POLR1A: variants seen among roughly 807,000 people sequenced by gnomAD.
POLR1A encodes the protein DNA-directed RNA polymerase I subunit RPA1.
A neutral mutation model predicts 205.3 loss-of-function variants in POLR1A; 84 were observed. That is an observed-to-expected ratio of 0.41 (90% CI 0.34 to 0.49). POLR1A has a LOEUF of 0.49. POLR1A is among the 20% of genes least tolerant of loss of function. The pLI, the probability that POLR1A is intolerant of heterozygous loss-of-function variation, is 0.22. For missense variants in POLR1A, 1,645 were observed against 2,204.5 expected (o/e 0.75, Z 5.08); for synonymous variants, 799 against 863.7 (o/e 0.93, Z 1.31).
At position 86,032,282 on chromosome 2, in the gene POLR1A, T is replaced by C. The variant is rs575179554; in HGVS notation, c.4262A>G (p.Gln1421Arg). 5.6e-6 allele frequency: 9 copies of C among 1,609,760 alleles called. No individual in the cohort carries two copies. The African/African-American group carries it at 1.1e-4, about 19-fold the overall frequency. The change falls in exon 29 of 34, where the codon CAG (glutamine) becomes CGG (arginine). Residue 1421 changes from glutamine to arginine, a missense_variant. Physicochemically the swap from Gln to Arg is conservative, Grantham distance 43 (BLOSUM62 1). Coordinates refer to ENST00000263857, the MANE Select transcript of POLR1A (RefSeq NM_015425.6). ...CACAGGGTCTCTCACCTCCTCCTCC[T>C]GCTTCTCCTTGCGTTTGGCATCAGA... ...DASDAKRKEK[Q>R]EEEVDYESEE...
intron 3 of POLR1A, among the ~76,000 whole-genome samples, chr2:86,096,348 A>G (rs1261301928): frequency 6.6e-6 from 1 of 152,126 alleles, no homozygotes; most frequent in African/African-American, 2.4e-5. Flanking sequence ...TTACTACACT[A>G]CCCAAAGCAA....
chr2:86,034,245 G>A (rs1352343245), intron 27 of POLR1A, among the ~76,000 whole-genome samples: 2 of 152,196 alleles, frequency 1.3e-5, no homozygotes, highest in African/African-American at 2.4e-5. Context: ...TACTGTAGGA[G>A]AGGGGAACCC....
intron 12 of POLR1A, among the ~76,000 whole-genome samples, chr2:86,072,530 GCACAGGGTATTCCCCTTGCCAA>G (rs1287087852): frequency 2.0e-5 from 3 of 152,254 alleles, no homozygotes; most frequent in Non-Finnish European, 4.4e-5. Context: ...AAGCCCTGGA[GCACAGGGTATTCCCCTTGCCAA>G]CCCAAACCCA....
chr2:86,036,311 C>T (rs1309237164), intron 27 of POLR1A, among the ~76,000 whole-genome samples: 2 of 152,180 alleles, frequency 1.3e-5, no homozygotes, highest in Non-Finnish European at 2.9e-5. Context: ...TCCCCTGCCA[C>T]CTGCCAGACA....
At chr2:86,077,153 C>T (rs190609960) in intron 11 of POLR1A, among the ~76,000 whole-genome samples, 24 of 152,252 alleles carry the variant, frequency 1.6e-4, no homozygotes. Context: ...AGGCTCTCCA[C>T]GGAGGGAAAT....
In POLR1A at chr2:86,031,424, G is replaced by C. The variant is rs781462327; in HGVS notation, c.4484C>G (p.Pro1495Arg). Reference protein sequence around the residue: ...KPTHSQEPQGPEAMERRVQAV... With the variant: ...KPTHSQEPQGREAMERRVQAV... ...CTGGACCCGGCGCTCCATGGCCTCG[G>C]GCCCCTGGGGCTCCTGGCTGTGGGT... Residue 1495 changes from proline (P) to arginine (R), a missense_variant, in exon 30 of 34, where the codon CCC becomes CGC. Physicochemically the swap from Pro to Arg is moderately radical, Grantham distance 103 (BLOSUM62 -2). Coordinates refer to ENST00000263857, the MANE Select transcript of POLR1A (RefSeq NM_015425.6). The C allele has an allele frequency of 1.2e-5, 19 of 1,613,804 alleles. No individual in the cohort carries two copies. The highest frequency in any genetic ancestry group is 1.7e-5 in the Admixed American group (1 of 60,010).
chr2:86,039,662 T>C (rs1176883915), intron 25 of POLR1A, among the ~76,000 whole-genome samples, 200 bp from the exon 26 acceptor site: 1 of 152,230 alleles, frequency 6.6e-6, no homozygotes, highest in Non-Finnish European at 1.5e-5. Context: ...GTTTCCTCCC[T>C]GGAGGGCCCA....
At chr2:86,091,831 A>C (rs921042136) in intron 3 of POLR1A, among the ~76,000 whole-genome samples, 27 of 152,230 alleles carry the variant, frequency 1.8e-4, no homozygotes, top group Non-Finnish European at 3.5e-4. Flanking sequence ...AAGTAGAAAT[A>C]GGCCGGGCAC....
rs769169893 is a variant in POLR1A, at chr2:86,098,653, C to T, written c.390G>A (p.Gly130=). Residue 130 remains glycine, a synonymous_variant, in exon 3 of 34, where the codon GGG becomes GGA. Transcript: ENST00000263857. Reference sequence around the variant, plus strand: ...CAAGCTCGTAGACTGCTTGTAGGGCCCCGACTTCCAGAACCCTCAGCTGGC... The same window carrying T: ...CAAGCTCGTAGACTGCTTGTAGGGCTCCGACTTCCAGAACCCTCAGCTGGC... ...LLCQLRVLEV[G]ALQAVYELER... 1.2e-5 allele frequency: 20 copies of T among 1,613,570 alleles called. No homozygotes were observed. The highest frequency in any genetic ancestry group is 6.7e-5 in the African/African-American group (5 of 74,854).
intron 14 of POLR1A, among the ~76,000 whole-genome samples, chr2:86,060,101 C>G (rs1672969409): frequency 6.6e-6 from 1 of 152,162 alleles, no homozygotes; most frequent in South Asian, 2.1e-4. Flanking sequence ...ATTTAATAGA[C>G]AGTATCATCT....
In POLR1A at chr2:86,033,962, C is replaced by T. The variant is rs575123236; in HGVS notation, c.4035-175G>A. On this transcript the variant is annotated intron_variant, in intron 27 of 33. Transcript: ENST00000263857. ...CCCGCTGTTTTGGAACCGTCTCTGG[C>T]GTATCAGGAACACCGGTTCCACAGT... Among the ~76,000 whole-genome samples the T allele has an allele frequency of 1.1e-4, 16 of 152,248 alleles. No homozygotes were observed. In the South Asian group the frequency reaches 2.7e-3, roughly 26 times the overall value.
chr2:86,059,548 G>T (rs77144585), intron 14 of POLR1A, among the ~76,000 whole-genome samples: 2 of 152,138 alleles, frequency 1.3e-5, no homozygotes, highest in South Asian at 4.1e-4. Context: ...CCCAGGGAAG[G>T]TATGATATGA....
At chr2:86,103,127 G>A (rs1363737281) in intron 1 of POLR1A, among the ~76,000 whole-genome samples, 1 of 152,208 alleles carries the variant, frequency 6.6e-6, no homozygotes, top group East Asian at 1.9e-4. Context: ...CTGTTAGACG[G>A]CAGAAAGGGC....
At position 86,024,545 on chromosome 2, in the gene POLR1A, A is replaced by G. The variant is rs892849812; in HGVS notation, c.*2878T>C. 6.6e-6 allele frequency: 1 copy of G among 152,196 alleles called. No individual in the cohort carries two copies. Among genetic ancestry groups the G allele is most frequent in the East Asian group, 1.9e-4 (1 of 5,192 alleles). The allele number at this position is 152,196 out of a possible 1,614,324, so 9.4% of individuals were successfully genotyped here. A position where few individuals can be genotyped will look rare whatever the true frequency, so the allele number is the denominator to read the frequency against. ...GAAAATGTTTCAAAGACTCACAGGAATATCTGTGGGAATGCTGATAGTGTT... is the reference window on the plus strand; with the variant it reads ...GAAAATGTTTCAAAGACTCACAGGAGTATCTGTGGGAATGCTGATAGTGTT... On this transcript the variant is annotated 3_prime_UTR_variant, in exon 34 of 34. Transcript: ENST00000263857.
At chr2:86,038,901 A>G (rs746296801) in intron 26 of POLR1A, 44 bp from the exon 27 acceptor site, 62 of 1,593,126 alleles carry the variant, frequency 3.9e-5, no homozygotes, top group Non-Finnish European at 3.8e-5. Flanking sequence ...TTCAGGTCCT[A>G]GGTGACTGCG....
chr2:86,065,438 G>C lies in POLR1A; in HGVS notation c.1894C>G (p.Gln632Glu). 6.2e-7 allele frequency: 1 copy of C among 1,613,790 alleles called. No individual in the cohort carries two copies. The highest frequency in any genetic ancestry group is 8.5e-7 in the Non-Finnish European group (1 of 1,179,872). The change falls in exon 14 of 34, where the codon CAG (glutamine) becomes GAG (glutamate). Residue 632 changes from glutamine to glutamate, a missense_variant. Physicochemically the swap from Gln to Glu is conservative, Grantham distance 29. Around this residue, in one of 16 missense-constraint regions of POLR1A, gnomAD observed 24 missense variants for 52.1 expected, o/e 0.46. Coordinates refer to ENST00000263857, the MANE Select transcript of POLR1A (RefSeq NM_015425.6). ...CTTGCCCCTGAAACCATGTGATCCT[G>C]GATCAGTCCCGCCAATGGTTGGCCA... Reference protein sequence around the residue: ...KDGQPLAGLIQDHMVSGASMT... With the variant: ...KDGQPLAGLIEDHMVSGASMT...
chr2:86,054,877 A>G (rs1197391731), intron 14 of POLR1A, among the ~76,000 whole-genome samples: 5 of 152,252 alleles, frequency 3.3e-5, no homozygotes, highest in Non-Finnish European at 2.9e-5. Flanking sequence ...ATGCAGGTGC[A>G]CACATTCCCA....
intron 14 of POLR1A, among the ~76,000 whole-genome samples, chr2:86,063,829 G>T (rs895049984): frequency 7.2e-5 from 11 of 152,242 alleles, no homozygotes; most frequent in African/African-American, 2.6e-4. Context: ...TTCAACCTAG[G>T]CATTTTATGT....
chr2:86,027,843 C>T lies in POLR1A; in HGVS notation c.5062+42G>A, dbSNP rs756014458. 12 of 1,607,230 alleles carry T rather than the reference C, an allele frequency of 7.5e-6. No individual in the cohort carries two copies. The African/African-American group carries it at 1.1e-4, about 14-fold the overall frequency. ...ATGGGTGAGCCCGTGTGCCCAGAGT[C>T]GTCAGTAGAGGGGAGGCCAGGGCTC... On this transcript the variant is annotated intron_variant, in intron 33 of 33. Coordinates refer to ENST00000263857, the MANE Select transcript of POLR1A (RefSeq NM_015425.6).
Sources: gnomAD v4.1 joint callset for allele counts (sites outside exome capture counted in the v4.1 genomes callset) on GRCh38, gnomAD v4.1.1 for gene constraint, gnomAD v4.1.1 regional missense constraint, MANE v1.5 for transcripts, NCBI Gene and HGNC (gene_info 2026-07-23, HGNC 2026-07-21) for gene names.